NBAS: variants seen among roughly 807,000 people sequenced by gnomAD.
NBAS encodes NBAS subunit of NRZ tethering complex.
In NBAS, 219 loss-of-function variants were observed where a neutral mutation model predicts 302.5. That is an observed-to-expected ratio of 0.72 (90% CI 0.65 to 0.81). NBAS has a LOEUF of 0.81. Among genes scored for constraint, NBAS ranks in the 30% least tolerant of loss-of-function variants. The pLI, the probability that NBAS is intolerant of heterozygous loss-of-function variation, is 0.00. For missense variants in NBAS, 2,932 were observed against 2,841.6 expected (o/e 1.03, Z -0.72); for synonymous variants, 1,118 against 1,021.6 (o/e 1.09, Z -1.80).
At chr2:14,929,992 C>G in the NBAS span, among the ~76,000 whole-genome samples, 1 of 152,204 alleles carries the variant, frequency 6.6e-6, no homozygotes, top group Non-Finnish European at 1.5e-5. Flanking sequence ...CCTTTGCTCT[C>G]TCTCTCCTGC....
the NBAS span, among the ~76,000 whole-genome samples, chr2:14,991,372 A>C: frequency 5.3e-5 from 8 of 152,268 alleles, no homozygotes; most frequent in South Asian, 6.2e-4. Context: ...CCCACGTTGG[A>C]GGGAACTAAG....
At chr2:14,991,247 C>T in the NBAS span, among the ~76,000 whole-genome samples, 774 of 150,756 alleles carry the variant, frequency 5.1e-3, 5 homozygotes, top group South Asian at 0.02. Context: ...TCTCCATCAA[C>T]GGCAGGGAAA....
chr2:15,440,671 T>A (rs980528506), intron 21 of NBAS, among the ~76,000 whole-genome samples: 1 of 152,178 alleles, frequency 6.6e-6, no homozygotes. Flanking sequence ...ATGACTTTGA[T>A]GAGTTGAGAG....
chr2:15,266,806 T>A (rs942156119), intron 44 of NBAS, among the ~76,000 whole-genome samples: 24 of 152,172 alleles, frequency 1.6e-4, no homozygotes, highest in Admixed American at 7.2e-4. Flanking sequence ...TTGTGACTCC[T>A]CTTTATGCAC....
chr2:15,133,327 G>A, the NBAS span, among the ~76,000 whole-genome samples: 6 of 152,178 alleles, frequency 3.9e-5, no homozygotes, highest in East Asian at 3.9e-4. Flanking sequence ...TAGCGGGGGG[G>A]GGGCAGGGAA....
At chr2:15,533,641 G>C (rs1663330791) in intron 9 of NBAS, among the ~76,000 whole-genome samples, 1 of 151,696 alleles carries the variant, frequency 6.6e-6, no homozygotes, top group Non-Finnish European at 1.5e-5. Flanking sequence ...GAGACGATGG[G>C]ATTGGGGAAG....
intron 38 of NBAS, among the ~76,000 whole-genome samples, chr2:15,310,466 A>T (rs1274780006): frequency 1.3e-5 from 2 of 152,250 alleles, no homozygotes; most frequent in Admixed American, 1.3e-4. Context: ...TTCAAGGTCT[A>T]CTTCCAAATT....
intron 35 of NBAS, among the ~76,000 whole-genome samples, chr2:15,331,199 A>G (rs77008070): frequency 0.023 from 3,442 of 152,314 alleles, 56 homozygotes; most frequent in South Asian, 0.038. Flanking sequence ...GAAGTAGAAC[A>G]TTCAGACAAT....
At chr2:14,822,827 C>T in the NBAS span, among the ~76,000 whole-genome samples, 1 of 152,172 alleles carries the variant, frequency 6.6e-6, no homozygotes, top group Admixed American at 6.5e-5. Flanking sequence ...TAAAACGAGG[C>T]TATCACAATA....
the NBAS span, among the ~76,000 whole-genome samples, chr2:15,153,674 C>A: frequency 1.3e-5 from 2 of 152,230 alleles, no homozygotes; most frequent in African/African-American, 2.4e-5. Flanking sequence ...AATCAGGCAT[C>A]TTACTCTTGG....
intron 25 of NBAS, among the ~76,000 whole-genome samples, chr2:15,408,897 C>G (rs1042056680): frequency 6.6e-6 from 1 of 152,242 alleles, no homozygotes; most frequent in African/African-American, 2.4e-5. Flanking sequence ...AGTAGCCAGG[C>G]GTGGTGGCTC....
At chr2:14,925,201 T>C in the NBAS span, among the ~76,000 whole-genome samples, 1 of 152,230 alleles carries the variant, frequency 6.6e-6, no homozygotes, top group Non-Finnish European at 1.5e-5. Flanking sequence ...TATAATTATG[T>C]ACTGATAATA....
At chr2:15,287,279 G>C (rs981805668) in intron 41 of NBAS, 96 bp from the exon 42 acceptor site, 1 of 886,176 alleles carries the variant, frequency 1.1e-6, no homozygotes, top group Non-Finnish European at 1.9e-6. Flanking sequence ...TCTCCAGTGA[G>C]AGAGGTGCAA....
chr2:14,856,014 C>T, the NBAS span, among the ~76,000 whole-genome samples: 9 of 152,224 alleles, frequency 5.9e-5, no homozygotes, highest in East Asian at 1.9e-4. Flanking sequence ...GCCATAGTTG[C>T]GGTGGCCATA....
chr2:15,240,926 AC>A (rs1558466535), intron 44 of NBAS, among the ~76,000 whole-genome samples: 1 of 151,724 alleles, frequency 6.6e-6, no homozygotes, highest in Non-Finnish European at 1.5e-5. Flanking sequence ...TCAACAGACC[AC>A]CCCTCCCTTC....
At chr2:15,061,752 A>C in the NBAS span, among the ~76,000 whole-genome samples, 9 of 152,326 alleles carry the variant, frequency 5.9e-5, no homozygotes, top group East Asian at 1.2e-3. Context: ...CCAGAAAGAC[A>C]CCATGTCAGT....
At chr2:14,979,412 C>A in the NBAS span, among the ~76,000 whole-genome samples, 1 of 152,170 alleles carries the variant, frequency 6.6e-6, no homozygotes, top group Non-Finnish European at 1.5e-5. Flanking sequence ...ATGGTAAAAA[C>A]AACTACGATT....
chr2:15,231,632 A>C (rs560897542), intron 47 of NBAS, among the ~76,000 whole-genome samples: 2 of 152,246 alleles, frequency 1.3e-5, no homozygotes, highest in Non-Finnish European at 2.9e-5. Flanking sequence ...AGAGAATACA[A>C]AAGTTTATAC....
At chr2:14,910,379 T>A in the NBAS span, among the ~76,000 whole-genome samples, 1 of 152,170 alleles carries the variant, frequency 6.6e-6, no homozygotes, top group Non-Finnish European at 1.5e-5. Context: ...AATAAGGAGT[T>A]TGCACTACCC....
Sources: gnomAD v4.1 joint callset for allele counts (sites outside exome capture counted in the v4.1 genomes callset) on GRCh38, gnomAD v4.1.1 for gene constraint, MANE v1.5 for transcripts, NCBI Gene and HGNC (gene_info 2026-07-23, HGNC 2026-07-21) for gene names.